Variants in TDRD6 observed in about 807,000 individuals in gnomAD.
The protein encoded by TDRD6 is tudor domain containing 6.
In TDRD6, 186 loss-of-function variants were observed where a neutral mutation model predicts 157.5. The ratio of observed to expected loss-of-function variants is 1.18; its 90% CI spans 1.05 to 1.33. The LOEUF is 1.33. Among genes scored for constraint, TDRD6 ranks in the 40% most tolerant of loss-of-function variants. TDRD6 has a pLI of 0.00. For synonymous variants in TDRD6, 1,075 were observed against 945.2 expected (o/e 1.14, Z -2.52); for missense variants, 3,066 against 2,508.0 (o/e 1.22, Z -4.75).
At position 46,691,387 on chromosome 6, in the gene TDRD6, G is replaced by T. The variant is rs1467215280; in HGVS notation, c.3259G>T (p.Asp1087Tyr). ...GCTTCCAATACCTAGTGATGCATATGATGTCTTACTTTTGCCCATGCAAGC... is the reference window on the plus strand; with the variant it reads ...GCTTCCAATACCTAGTGATGCATATTATGTCTTACTTTTGCCCATGCAAGC... ...DLLPIPSDAY[D>Y]VLLLPMQAVR... Residue 1087 changes from aspartate (D) to tyrosine (Y), a missense_variant, in exon 1 of 4, where the codon GAT becomes TAT. Physicochemically the swap from Asp to Tyr is radical, Grantham distance 160. Coordinates refer to ENST00000316081, the MANE Select transcript of TDRD6 (RefSeq NM_001010870.3). 6.2e-7 allele frequency: 1 copy of T among 1,614,002 alleles called. No homozygotes were observed. Among genetic ancestry groups the T allele is most frequent in the Non-Finnish European group, 8.5e-7 (1 of 1,179,940 alleles).
chr6:46,694,864 T>A (rs1000527118), intron 1 of TDRD6, among the ~76,000 whole-genome samples: 2 of 152,230 alleles, frequency 1.3e-5, no homozygotes, highest in Non-Finnish European at 2.9e-5. Flanking sequence ...CACTAAGGAT[T>A]ATTTCAACAG....
In TDRD6 at chr6:46,689,001, G is replaced by C. The variant is rs1397670394; in HGVS notation, c.873G>C (p.Thr291=). The C allele has an allele frequency of 3.7e-6, 6 of 1,613,626 alleles. No individual in the cohort carries two copies. Among genetic ancestry groups the C allele is most frequent in the Admixed American group, 1.7e-5 (1 of 60,002 alleles). Residue 291 remains threonine, a synonymous_variant, in exon 1 of 4, where the codon ACG becomes ACC. Coordinates refer to ENST00000316081, the MANE Select transcript of TDRD6 (RefSeq NM_001010870.3). ...ESMAQVYRGS[T]GTGDENSTSA... is the part of the protein sequence containing the mutation. ...TGGCCCAGGTATACCGGGGTTCCACGGGGACAGGGGATGAGAACTCTACCA... is the reference window on the plus strand; with the variant it reads ...TGGCCCAGGTATACCGGGGTTCCACCGGGACAGGGGATGAGAACTCTACCA...
In TDRD6 at chr6:46,689,708, C is replaced by T. The variant is rs755904966; in HGVS notation, c.1580C>T (p.Ala527Val). 1 of 1,614,172 alleles carries T rather than the reference C, an allele frequency of 6.2e-7. No homozygotes were observed. Among genetic ancestry groups the T allele is most frequent in the East Asian group, 2.2e-5 (1 of 44,886 alleles). Residue 527 changes from alanine (A) to valine (V), a missense_variant, in exon 1 of 4, where the codon GCC (alanine) becomes GTC (valine). By Grantham distance (64) the Ala-to-Val change is moderately conservative. Transcript: ENST00000316081. ...MRRMCGFYSS[A>V]SKLDGVVLKP... ...AGAATGTGTGGTTTCTATTCCTCTG[C>T]CAGTAAGCTGGATGGTGTAGTTTTG...
At position 46,693,983 on chromosome 6, in the gene TDRD6, A is replaced by C; in HGVS notation, c.5855A>C (p.Gln1952Pro). 1 of 1,613,846 alleles carries C rather than the reference A, an allele frequency of 6.2e-7. No individual in the cohort carries two copies. Among genetic ancestry groups the C allele is most frequent in the South Asian group, 1.1e-5 (1 of 91,006 alleles). ...AGTTGTGTAGAATCTTTTGATGACC[A>C]GCGCAGGATGTCATTGCATCTACAT... is the stretch of plus-strand genomic sequence containing the variant. ...KSSCVESFDD[Q>P]RRMSLHLHGA... The change falls in exon 1 of 4, where the codon CAG becomes CCG. Residue 1952 changes from glutamine (Q) to proline (P), a missense_variant. Physicochemically the swap from Gln to Pro is moderately conservative, Grantham distance 76. Transcript: ENST00000316081.
At chr6:46,682,952 A>G (rs1582531783), upstream of TDRD6, among the ~76,000 whole-genome samples, 1 of 151,980 alleles carries the variant, frequency 6.6e-6, no homozygotes, top group South Asian at 2.1e-4. Context: ...GCAGCCTTCA[A>G]ATTTTTTTGC....
At chr6:46,698,155 C>A in intron 3 of TDRD6, 68 bp downstream of exon 3, 1 of 1,222,986 alleles carries the variant, frequency 8.2e-7, no homozygotes, top group Non-Finnish European at 1.2e-6. Flanking sequence ...ATTTAACAAA[C>A]TATTTCCAAA....
upstream of TDRD6, among the ~76,000 whole-genome samples, chr6:46,684,382 T>TGC (rs1207120865): frequency 3.3e-5 from 5 of 151,790 alleles, no homozygotes; most frequent in Non-Finnish European, 1.5e-5. Context: ...TGTGTGTGTG[T>TGC]GTGTGTGTGT....
At position 46,691,958 on chromosome 6, in the gene TDRD6, C is replaced by G. The variant is rs1764341039; in HGVS notation, c.3830C>G (p.Ser1277Ter). The G allele has an allele frequency of 6.2e-7, 1 of 1,612,952 alleles. No homozygotes were observed. Among genetic ancestry groups the G allele is most frequent in the Non-Finnish European group, 8.5e-7 (1 of 1,179,722 alleles). ...ACAGCAAGAGTAGAAGCTACTCTTT[C>G]AGAGAGAAAAATAGGAGATTCATGT... ...LKTARVEATL[S>*]ERKIGDSCDK... The change falls in exon 1 of 4, where the codon TCA becomes TGA. Residue 1277 changes from serine (S) to a stop codon, truncating the protein, a stop_gained. Coordinates refer to ENST00000316081, the MANE Select transcript of TDRD6 (RefSeq NM_001010870.3). LOFTEE classifies it high-confidence loss of function.
chr6:46,700,729 G>T (rs1358528803), intron 3 of TDRD6, among the ~76,000 whole-genome samples: 1 of 152,144 alleles, frequency 6.6e-6, no homozygotes, highest in East Asian at 1.9e-4. Context: ...TACCAGAGTT[G>T]TTGGGGATTT....
At chr6:46,701,680 T>C (rs1277382986) in intron 3 of TDRD6, among the ~76,000 whole-genome samples, 178 bp from the exon 4 acceptor site, 1 of 152,162 alleles carries the variant, frequency 6.6e-6, no homozygotes, top group Non-Finnish European at 1.5e-5. Context: ...AACCAAAATA[T>C]TAATAAGAAA....
chr6:46,689,191 A>T lies in TDRD6; in HGVS notation c.1063A>T (p.Ser355Cys), dbSNP rs767572907. Residue 355 changes from serine to cysteine, a missense_variant, in exon 1 of 4, where the codon AGT becomes TGT. Transcript: ENST00000316081. ...GGACTATGGAAGGAAGGAGTTAGTG[A>T]GTTGCAGCAGCCTTCGGTACTTGCT... ...HVDYGRKELV[S>C]CSSLRYLLPE... 4 of 1,614,150 alleles carry T rather than the reference A, an allele frequency of 2.5e-6. No homozygotes were observed. In the South Asian group the frequency reaches 4.4e-5, roughly 18 times the overall value.
intron 3 of TDRD6, chr6:46,700,888 A>G (rs9472823): frequency 0.026 from 7,282 of 278,424 alleles, 347 homozygotes; most frequent in African/African-American, 0.12. Flanking sequence ...TGATAGAAAT[A>G]CATTTTGTTG....
In TDRD6 at chr6:46,689,753, T is replaced by C; in HGVS notation, c.1625T>C (p.Leu542Pro). 1 of 1,614,194 alleles carries C rather than the reference T, an allele frequency of 6.2e-7. No homozygotes were observed. The highest frequency in any genetic ancestry group is 8.5e-7 in the Non-Finnish European group (1 of 1,180,036). Residue 542 changes from leucine to proline, a missense_variant, in exon 1 of 4, where the codon CTT becomes CCT. By Grantham distance (98) the Leu-to-Pro change is moderately conservative (BLOSUM62 -3). Coordinates refer to ENST00000316081, the MANE Select transcript of TDRD6 (RefSeq NM_001010870.3). ...GVVLKPEPDD[L>P]CCVKWKENGY... ...GTTTTGAAACCTGAACCTGATGACC[T>C]TTGCTGTGTCAAGTGGAAAGAAAAT...
chr6:46,687,993 G>C lies in TDRD6; in HGVS notation c.-136G>C. 1 of 1,316,794 alleles carries C rather than the reference G, an allele frequency of 7.6e-7. No homozygotes were observed. The allele number at this position is 1,316,794 out of a possible 1,614,324, so 81.6% of individuals were successfully genotyped here. On this transcript the variant is annotated 5_prime_UTR_variant, in exon 1 of 4. Coordinates refer to ENST00000316081, the MANE Select transcript of TDRD6 (RefSeq NM_001010870.3). ...GGGGGAGTTGCCGAGAAAAGGCCTC[G>C]CCGGCATTCTTCCCCTCCACTGGGT...
At position 46,688,523 on chromosome 6, in the gene TDRD6, CGG is replaced by C. The variant is rs774424110; in HGVS notation, c.397_398del (p.Gly133ProfsTer26). 5.1e-6 allele frequency: 8 copies of C among 1,567,984 alleles called. No homozygotes were observed. The highest frequency in any genetic ancestry group is 6.9e-6 in the Non-Finnish European group (8 of 1,160,938). On this transcript the variant is annotated frameshift_variant, in exon 1 of 4. Coordinates refer to ENST00000316081, the MANE Select transcript of TDRD6 (RefSeq NM_001010870.3). LOFTEE classifies it high-confidence loss of function. ...TCGGAAGTGCTGGGCTGCGTGCTAGCGGGCCTGGTGCCGGCAGGCTGCGGCGC... is the reference window on the plus strand; with the variant it reads ...TCGGAAGTGCTGGGCTGCGTGCTAGCGCCTGGTGCCGGCAGGCTGCGGCGC...
Position 46,694,074 on chromosome 6 carries a change from T to G in TDRD6, c.5946T>G (p.Tyr1982Ter). ...MNICEEEFVE[Y>*]KNRDAISALM... ...TATGTGAAGAAGAATTTGTAGAGTA[T>G]AAAAACAGGGATGCCATTTCGGCAT... Residue 1982 changes from tyrosine (Y) to a stop codon, truncating the protein, a stop_gained, in exon 1 of 4, where the codon TAT becomes TAG. Coordinates refer to ENST00000316081, the MANE Select transcript of TDRD6 (RefSeq NM_001010870.3). LOFTEE classifies it high-confidence loss of function. 1 of 1,613,400 alleles carries G rather than the reference T, an allele frequency of 6.2e-7. No individual in the cohort carries two copies. The highest frequency in any genetic ancestry group is 8.5e-7 in the Non-Finnish European group (1 of 1,179,784).
At position 46,689,717 on chromosome 6, in the gene TDRD6, T is replaced by G; in HGVS notation, c.1589T>G (p.Leu530Arg). 1 of 1,614,206 alleles carries G rather than the reference T, an allele frequency of 6.2e-7. No individual in the cohort carries two copies. The highest frequency in any genetic ancestry group is 8.5e-7 in the Non-Finnish European group (1 of 1,180,038). Reference sequence around the variant, plus strand: ...GGTTTCTATTCCTCTGCCAGTAAGCTGGATGGTGTAGTTTTGAAACCTGAA... The same window carrying G: ...GGTTTCTATTCCTCTGCCAGTAAGCGGGATGGTGTAGTTTTGAAACCTGAA... ...MCGFYSSASK[L>R]DGVVLKPEPD... The change falls in exon 1 of 4, where the codon CTG becomes CGG. Residue 530 changes from leucine (L) to arginine (R), a missense_variant. Transcript: ENST00000316081.
At chr6:46,682,688 A>G in the TDRD6 span, among the ~76,000 whole-genome samples, 1 of 151,912 alleles carries the variant, frequency 6.6e-6, no homozygotes, top group African/African-American at 2.4e-5. Context: ...TATACTGGCA[A>G]TGAAAAACTA....
Position 46,702,000 on chromosome 6 carries a change from T to A in TDRD6, c.*113T>A. 1 of 1,318,284 alleles carries A rather than the reference T, an allele frequency of 7.6e-7. No individual in the cohort carries two copies. Among genetic ancestry groups the A allele is most frequent in the Non-Finnish European group, 1.1e-6 (1 of 938,474 alleles). 81.7% of individuals were successfully genotyped at this position (1,318,284 alleles called of 1,614,324 possible). On this transcript the variant is annotated 3_prime_UTR_variant, in exon 4 of 4. Transcript: ENST00000316081. ...TTGAAAACATGTAACCACAAGAAGT[T>A]GTCATTTTCAAAAACTTCTATATAG...
Sources: allele counts gnomAD v4.1 joint callset (sites outside exome capture counted in the v4.1 genomes callset), GRCh38; gene constraint gnomAD v4.1.1; transcripts MANE v1.5; gene names NCBI Gene and HGNC (gene_info 2026-07-23, HGNC 2026-07-21).